Variants in FBXO5 observed in about 807,000 individuals in gnomAD.
FBXO5 encodes F-box only protein 5.
Under a neutral mutation model 43.3 loss-of-function variants are expected in FBXO5, and 8 were observed. That is an observed-to-expected ratio of 0.18 (90% CI 0.11 to 0.33). The LOEUF is 0.33. Ranked by LOEUF, FBXO5 falls within the 10% of genes least tolerant of loss-of-function variation. FBXO5 has a pLI of 1.00. For missense variants in FBXO5, 491 were observed against 535.7 expected (o/e 0.92, Z 0.82); for synonymous variants, 204 against 193.7 (o/e 1.05, Z -0.44).
chr6:152,972,482 T>G, intron 3 of FBXO5, 28 bp from the exon 4 acceptor site: 1 of 1,481,360 alleles, frequency 6.8e-7, no homozygotes, highest in Non-Finnish European at 9.2e-7. Flanking sequence ...TTTAATAGAA[T>G]TTAGAAATTA....
Position 152,982,818 on chromosome 6 carries a change from G to A in FBXO5, c.103+39C>T, listed in dbSNP as rs560475339. 5.2e-4 allele frequency: 734 copies of A among 1,403,482 alleles called. 1 individual carries two copies. Among genetic ancestry groups the A allele is most frequent in the Non-Finnish European group, 4.4e-4 (466 of 1,059,724 alleles). 86.9% of individuals were successfully genotyped at this position (1,403,482 alleles called of 1,614,324 possible). A position where few individuals can be genotyped will look rare whatever the true frequency, so the allele number is the denominator to read the frequency against. On this transcript the variant is annotated intron_variant, in intron 1 of 4. Transcript: ENST00000229758. ...GCGACCCTCCCCGTGCACCCCTCCT[G>A]GCGTGCGCGCCCCCCTCGCGACCGC...
chr6:152,974,874 T>A, intron 2 of FBXO5, 33 bp downstream of exon 2: 1 of 1,505,900 alleles, frequency 6.6e-7, no homozygotes, highest in Non-Finnish European at 9.0e-7. Context: ...TTCAGTGTAT[T>A]ATGCTAATAT....
chr6:152,975,173 G>C lies in FBXO5; in HGVS notation c.552C>G (p.Asp184Glu). ...GCAGCAAGTTTTTGTTGGGATATTGGTCTGGGCTTTGTATTTGTAGCAGGC... is the reference window on the plus strand; with the variant it reads ...GCAGCAAGTTTTTGTTGGGATATTGCTCTGGGCTTTGTATTTGTAGCAGGC... Reference protein sequence around the residue: ...QSCLLQIQSPDQYPNKNLLPV... With the variant: ...QSCLLQIQSPEQYPNKNLLPV... The change falls in exon 2 of 5, where the codon GAC (aspartate) becomes GAG (glutamate). Residue 184 changes from aspartate to glutamate, a missense_variant. Coordinates refer to ENST00000229758, the MANE Select transcript of FBXO5 (RefSeq NM_012177.5). 5 of 1,614,150 alleles carry C rather than the reference G, an allele frequency of 3.1e-6. No individual in the cohort carries two copies. The highest frequency in any genetic ancestry group is 4.2e-6 in the Non-Finnish European group (5 of 1,180,030).
chr6:152,973,255 C>A (rs904975528), intron 2 of FBXO5, 119 bp from the exon 3 acceptor site: 1 of 765,122 alleles, frequency 1.3e-6, no homozygotes, highest in African/African-American at 1.7e-5. Context: ...GCTTCTCAAA[C>A]CTGACCACAT....
rs944158952 is a variant in FBXO5 at position 152,972,367 on chromosome 6, C to T, written c.997G>A (p.Ala333Thr). Residue 333 changes from alanine to threonine, a missense_variant, in exon 4 of 5, where the codon GCC becomes ACC. Ala to Thr is a moderately conservative substitution (Grantham distance 58, BLOSUM62 0). Transcript: ENST00000229758. ...TPLASVQKSA[A>T]QTSLKKDAQT... is the part of the protein sequence containing the mutation. ...GCATCTTTTTTGAGAGAAGTCTGGG[C>T]TGCTGATTTCTGAACAGAAGCCAGT... is the stretch of plus-strand genomic sequence containing the variant. The T allele has an allele frequency of 1.2e-6, 2 of 1,612,728 alleles. No homozygotes were observed. The highest frequency in any genetic ancestry group is 1.7e-6 in the Non-Finnish European group (2 of 1,179,198).
intron 1 of FBXO5, 107 bp downstream of exon 1, chr6:152,982,748 CCG>C: frequency 1.4e-6 from 1 of 730,802 alleles, no homozygotes; most frequent in Non-Finnish European, 2.0e-6. Flanking sequence ...TGTGGCATGG[CCG>C]CGCGTCCAGG....
At position 152,971,018 on chromosome 6, in the gene FBXO5, C is replaced by G. The variant is rs1562289247; in HGVS notation, c.*145G>C. 4.5e-6 allele frequency: 3 copies of G among 671,324 alleles called. No homozygotes were observed. Among genetic ancestry groups the G allele is most frequent in the Admixed American group, 3.8e-5 (1 of 26,654 alleles). 41.6% of individuals were successfully genotyped at this position (671,324 alleles called of 1,614,324 possible). A position where few individuals can be genotyped will look rare whatever the true frequency, so the allele number is the denominator to read the frequency against. On this transcript the variant is annotated 3_prime_UTR_variant, in exon 5 of 5. Transcript: ENST00000229758. ...AATATTTTAAGAGGTTGTCTATCCTCTTTATCTTCTGGGGGGAAAAAAACC... is the reference window on the plus strand; with the variant it reads ...AATATTTTAAGAGGTTGTCTATCCTGTTTATCTTCTGGGGGGAAAAAAACC...
chr6:152,972,726 A>G, intron 3 of FBXO5: 2 of 471,088 alleles, frequency 4.2e-6, no homozygotes, highest in South Asian at 7.0e-5. Context: ...AAAGTAAAAC[A>G]GCTTTTCCAA....
chr6:152,978,631 TAAG>T (rs1778212327), intron 1 of FBXO5, among the ~76,000 whole-genome samples: 1 of 152,064 alleles, frequency 6.6e-6, no homozygotes, highest in Admixed American at 6.5e-5. Flanking sequence ...AATTAGCACT[TAAG>T]GAGTTAAAAT....
intron 1 of FBXO5, among the ~76,000 whole-genome samples, chr6:152,978,502 T>C (rs756404390): frequency 5.3e-5 from 8 of 151,614 alleles, no homozygotes; most frequent in Admixed American, 3.9e-4. Context: ...TTACTGCTTA[T>C]GACAAAATCC....
chr6:152,979,273 T>C (rs1160542425), intron 1 of FBXO5, among the ~76,000 whole-genome samples: 1 of 152,232 alleles, frequency 6.6e-6, no homozygotes, highest in Non-Finnish European at 1.5e-5. Context: ...TCATATCTCC[T>C]TAGGCTCCTC....
At chr6:152,971,498 C>T in intron 4 of FBXO5, 84 bp from the exon 5 acceptor site, 1 of 1,362,084 alleles carries the variant, frequency 7.3e-7, no homozygotes, top group South Asian at 1.4e-5. Context: ...CACCCTTGCA[C>T]CTTCCCCAAT....
rs1441952392 is a variant in FBXO5, at chr6:152,983,032, A to T, written c.-73T>A. 3.4e-6 allele frequency: 3 copies of T among 892,490 alleles called. No homozygotes were observed. Among genetic ancestry groups the T allele is most frequent in the Non-Finnish European group, 4.7e-6 (3 of 642,558 alleles). 55.3% of individuals were successfully genotyped at this position (892,490 alleles called of 1,614,324 possible). A position where few individuals can be genotyped will look rare whatever the true frequency, so the allele number is the denominator to read the frequency against. The stretch of plus-strand genomic sequence containing the variant: ...CAGCTGAGCAACCTGCCTGCTTCAC[A>T]GACCTGTATCTCTTAAAAGGCGCCA... On this transcript the variant is annotated 5_prime_UTR_variant, in exon 1 of 5. Coordinates refer to ENST00000229758, the MANE Select transcript of FBXO5 (RefSeq NM_012177.5).
chr6:152,983,546 C>A (rs922080369), upstream of FBXO5: 2 of 152,408 alleles, frequency 1.3e-5, no homozygotes, highest in Non-Finnish European at 2.9e-5. Flanking sequence ...GACCCTCCCC[C>A]CAGTCCAGCT....
chr6:152,979,337 TG>T (rs1778227850), intron 1 of FBXO5, among the ~76,000 whole-genome samples: 1 of 152,202 alleles, frequency 6.6e-6, no homozygotes, highest in Non-Finnish European at 1.5e-5. Flanking sequence ...TGAGAAATAC[TG>T]GTTATTTTGT....
chr6:152,975,270 A>T lies in FBXO5; in HGVS notation c.455T>A (p.Leu152Gln), dbSNP rs2129093700. Residue 152 changes from leucine (L) to glutamine (Q), a missense_variant, in exon 2 of 5, where the codon CTA becomes CAA. Coordinates refer to ENST00000229758, the MANE Select transcript of FBXO5 (RefSeq NM_012177.5). ...TTCATGTTCACTGAGGCCACTTTGT[A>T]GAGAAAATGAGGAATAGCCACTGTC... is the stretch of plus-strand genomic sequence containing the variant. Reference protein sequence around the residue: ...YEDSGYSSFSLQSGLSEHEEG... With the variant: ...YEDSGYSSFSQQSGLSEHEEG... 1.2e-6 allele frequency: 2 copies of T among 1,614,114 alleles called. No homozygotes were observed. The highest frequency in any genetic ancestry group is 1.7e-6 in the Non-Finnish European group (2 of 1,180,004).
At chr6:152,981,534 T>C (rs1778258437) in intron 1 of FBXO5, among the ~76,000 whole-genome samples, 1 of 152,106 alleles carries the variant, frequency 6.6e-6, no homozygotes, top group South Asian at 2.1e-4. Flanking sequence ...GAAAACTACT[T>C]GGAAGTAACA....
rs1334988791 is a variant in FBXO5 at position 152,975,583 on chromosome 6, T to C, written c.142A>G (p.Lys48Glu). 3.7e-6 allele frequency: 6 copies of C among 1,607,550 alleles called. No homozygotes were observed. The highest frequency in any genetic ancestry group is 1.3e-5 in the African/African-American group (1 of 74,590). The change falls in exon 2 of 5, where the codon AAG becomes GAG. Residue 48 changes from lysine (K) to glutamate (E), a missense_variant. By Grantham distance (56) the Lys-to-Glu change is moderately conservative. Coordinates refer to ENST00000229758, the MANE Select transcript of FBXO5 (RefSeq NM_012177.5). ...EESSTLSVKM[K>E]CDFNCNHVHS... is the part of the protein sequence containing the mutation. Reference sequence around the variant, plus strand: ...ACATGGTTACAATTAAAATCACACTTCATTTTGACAGAAAGGGTAGAACTT... The same window carrying C: ...ACATGGTTACAATTAAAATCACACTCCATTTTGACAGAAAGGGTAGAACTT...
chr6:152,980,829 T>C (rs1386264709), intron 1 of FBXO5, among the ~76,000 whole-genome samples: 1 of 152,176 alleles, frequency 6.6e-6, no homozygotes, highest in African/African-American at 2.4e-5. Context: ...TTACTGAGTA[T>C]GGAAAACTGA....
Sources: allele counts gnomAD v4.1 joint callset (sites outside exome capture counted in the v4.1 genomes callset), GRCh38; gene constraint gnomAD v4.1.1; transcripts MANE v1.5; gene names NCBI Gene and HGNC (gene_info 2026-07-23, HGNC 2026-07-21).